The following CC2D2A variants were observed in gnomAD, a reference collection of about 807,000 sequenced individuals.
The protein encoded by CC2D2A is coiled-coil and C2 domain-containing protein 2A.
CC2D2A carries 155 observed loss-of-function variants against 212.9 expected under a neutral mutation model. The ratio of observed to expected loss-of-function variants is 0.73; its 90% CI spans 0.64 to 0.83. The LOEUF (loss-of-function observed/expected upper bound fraction) is 0.83. CC2D2A is among the 40% of genes least tolerant of loss of function. The pLI, the probability that CC2D2A is intolerant of heterozygous loss-of-function variation, is 0.00. For synonymous variants in CC2D2A, 667 were observed against 686.5 expected (o/e 0.97, Z 0.44); for missense variants, 1,856 against 1,956.2 (o/e 0.95, Z 0.97).
intron 11 of CC2D2A, among the ~76,000 whole-genome samples, chr4:15,524,008 A>G (rs978816008): frequency 3.3e-5 from 5 of 152,214 alleles, no homozygotes; most frequent in African/African-American, 1.2e-4. Context: ...AGGGAAGACC[A>G]GAATAATAAT....
Position 15,492,605 on chromosome 4 carries a change from A to G in CC2D2A, c.248-9824A>G, listed in dbSNP as rs1577321894. On this transcript the variant is annotated intron_variant, in intron 4 of 36. Transcript: ENST00000424120. Reference sequence around the variant, plus strand: ...CCCTCTTCAGGGGGTCTGCATGGAAATTGTGAGGAGGGGAGATTCTCAGTG... The same window carrying G: ...CCCTCTTCAGGGGGTCTGCATGGAAGTTGTGAGGAGGGGAGATTCTCAGTG... 4 of 419,570 alleles carry G rather than the reference A, an allele frequency of 9.5e-6. No homozygotes were observed. In the South Asian group the frequency reaches 9.6e-5, roughly 10 times the overall value. The allele number at this position is 419,570 out of a possible 1,614,324, so 26.0% of individuals were successfully genotyped here. A position where few individuals can be genotyped will look rare whatever the true frequency, so the allele number is the denominator to read the frequency against.
At chr4:15,587,327 C>T (rs1301788070) in intron 31 of CC2D2A, among the ~76,000 whole-genome samples, 1 of 152,200 alleles carries the variant, frequency 6.6e-6, no homozygotes, top group Non-Finnish European at 1.5e-5. Context: ...TCCTAACAGG[C>T]CACAGACTGG....
intron 2 of CC2D2A, among the ~76,000 whole-genome samples, chr4:15,477,120 T>C (rs1714270028): frequency 6.6e-6 from 1 of 151,940 alleles, no homozygotes; most frequent in South Asian, 2.1e-4. Flanking sequence ...CTGACCAACA[T>C]GGAGAAACCC....
rs147303204 is a variant in CC2D2A at position 15,555,477 on chromosome 4, G to C, written c.2625+267G>C. ...AGCTCGGCCGGGCATGGTGGCTCAT[G>C]CCTGTAATTCCAGCACTTTGGGAGG... On this transcript the variant is annotated intron_variant, in intron 20 of 36. Transcript: ENST00000424120. Among the ~76,000 whole-genome samples, 953 of 152,330 alleles carry C rather than the reference G, an allele frequency of 6.3e-3. 27 individuals are homozygous for C. Among genetic ancestry groups the C allele is most frequent in the Admixed American group, 0.045 (689 of 15,300 alleles).
chr4:15,518,505 G>A (rs181317188), intron 11 of CC2D2A, among the ~76,000 whole-genome samples: 1 of 152,264 alleles, frequency 6.6e-6, no homozygotes, highest in African/African-American at 2.4e-5. Context: ...GGAGGACAGT[G>A]GCCCTCTTCT....
At chr4:15,498,059 T>C (rs1186261652) in intron 4 of CC2D2A, among the ~76,000 whole-genome samples, 1 of 152,114 alleles carries the variant, frequency 6.6e-6, no homozygotes, top group Non-Finnish European at 1.5e-5. Context: ...ATGGAGAGTG[T>C]CCACTATTTT....
intron 4 of CC2D2A, among the ~76,000 whole-genome samples, chr4:15,495,346 C>T (rs942696382): frequency 6.6e-6 from 1 of 152,164 alleles, no homozygotes; most frequent in African/African-American, 2.4e-5. Context: ...TGAGCTCAGA[C>T]AATCCTCTCA....
At position 15,599,657 on chromosome 4, in the gene CC2D2A, TAGA is replaced by T. The variant is rs1004175750; in HGVS notation, c.4629_4631del (p.Glu1543del). 6.2e-7 allele frequency: 1 copy of T among 1,613,620 alleles called. No individual in the cohort carries two copies. Among genetic ancestry groups the T allele is most frequent in the Admixed American group, 1.7e-5 (1 of 60,006 alleles). ...TTAGAAAAAAGTCAAGGAGAAGATGTAGAAGATGACCACAGAGCAGAACTGCTA... is the reference window on the plus strand; with the variant it reads ...TTAGAAAAAAGTCAAGGAGAAGATGTAGATGACCACAGAGCAGAACTGCTA... On this transcript the variant is annotated inframe_deletion, in exon 36 of 37. Transcript: ENST00000424120.
chr4:15,601,084 G>A (rs1022600780), intron 36 of CC2D2A, among the ~76,000 whole-genome samples, 153 bp from the exon 37 acceptor site: 1 of 152,044 alleles, frequency 6.6e-6, no homozygotes, highest in African/African-American at 2.4e-5. Flanking sequence ...AGCAGCTCTC[G>A]ATTTTCTGTA....
intron 4 of CC2D2A, among the ~76,000 whole-genome samples, chr4:15,486,594 CA>C (rs936738264): frequency 6.6e-6 from 1 of 151,698 alleles, no homozygotes; most frequent in Non-Finnish European, 1.5e-5. Context: ...TTTATCTTTT[CA>C]AAAAACAACT....
intron 17 of CC2D2A, among the ~76,000 whole-genome samples, chr4:15,544,317 T>C (rs1357190844): frequency 6.6e-6 from 1 of 152,076 alleles, no homozygotes; most frequent in African/African-American, 2.4e-5. Flanking sequence ...CAGGCATCAA[T>C]AGTGAAGAGG....
At chr4:15,562,494 AGG>A (rs1435657061) in intron 23 of CC2D2A, among the ~76,000 whole-genome samples, 1 of 152,206 alleles carries the variant, frequency 6.6e-6, no homozygotes, top group African/African-American at 2.4e-5. Context: ...TCTCCGTGAA[AGG>A]TAGAGACATG....
chr4:15,512,195 TTC>T (rs1716605497), intron 8 of CC2D2A, among the ~76,000 whole-genome samples: 1 of 152,194 alleles, frequency 6.6e-6, no homozygotes. Context: ...GATCCAGCAA[TTC>T]AATTCCACTC....
intron 3 of CC2D2A, 95 bp from the exon 4 acceptor site, chr4:15,480,609 G>A: frequency 7.1e-7 from 1 of 1,410,800 alleles, no homozygotes; most frequent in Non-Finnish European, 9.5e-7. Context: ...ATAGTACTAA[G>A]GCCTGTCCCC....
chr4:15,482,324 AACTTGTC>A, intron 4 of CC2D2A: 2 of 977,444 alleles, frequency 2.0e-6, no homozygotes, highest in Non-Finnish European at 2.4e-6. Context: ...CAAAGATTAC[AACTTGTC>A]ATTTCAGGCT....
chr4:15,478,600 C>G, intron 2 of CC2D2A, 123 bp from the exon 3 acceptor site: 1 of 671,100 alleles, frequency 1.5e-6, no homozygotes, highest in Non-Finnish European at 2.6e-6. Flanking sequence ...AACTGTCCCC[C>G]AACTCACACT....
At chr4:15,492,496 TTTTG>T (rs1364589176) in intron 4 of CC2D2A, among the ~76,000 whole-genome samples, 33 of 151,216 alleles carry the variant, frequency 2.2e-4, no homozygotes, top group Non-Finnish European at 3.7e-4. Flanking sequence ...AAATTCTTTT[TTTTG>T]TTTGTTTGTT....
chr4:15,479,187 T>C, intron 3 of CC2D2A: 2 of 1,475,916 alleles, frequency 1.4e-6, no homozygotes, highest in Non-Finnish European at 1.8e-6. Context: ...CTCCCTCTTT[T>C]TCCAACTCCA....
chr4:15,490,920 C>A (rs1715271186), intron 4 of CC2D2A, among the ~76,000 whole-genome samples: 4 of 152,084 alleles, frequency 2.6e-5, no homozygotes, highest in Admixed American at 2.6e-4. Flanking sequence ...TCACGTACCC[C>A]TGCTTGCTCA....
Sources: gnomAD v4.1 joint callset for allele counts (sites outside exome capture counted in the v4.1 genomes callset) on GRCh38, gnomAD v4.1.1 for gene constraint, MANE v1.5 for transcripts, NCBI Gene and HGNC (gene_info 2026-07-23, HGNC 2026-07-21) for gene names.